ADCY3: variants seen among roughly 807,000 people sequenced by gnomAD.
ADCY3 encodes the protein adenylate cyclase 3.
ADCY3 carries 70 observed loss-of-function variants against 119.4 expected under a neutral mutation model. The observed-to-expected ratio is 0.59, with a 90% CI of 0.48 to 0.72. The LOEUF (loss-of-function observed/expected upper bound fraction) is 0.72. Ranked by LOEUF, ADCY3 falls within the 30% of genes least tolerant of loss-of-function variation. The pLI is 0.00. For synonymous variants in ADCY3, 672 were observed against 621.4 expected (o/e 1.08, Z -1.21); for missense variants, 1,238 against 1,541.6 (o/e 0.80, Z 3.30).
intron 2 of ADCY3, among the ~76,000 whole-genome samples, chr2:24,888,193 CAAGT>C (rs1381794953): frequency 1.3e-5 from 2 of 152,226 alleles, no homozygotes; most frequent in Non-Finnish European, 1.5e-5. Context: ...CAACAGCTCT[CAAGT>C]AAGTTCCCAT....
At position 24,841,188 on chromosome 2, in the gene ADCY3, C is replaced by T. The variant is rs1342673682; in HGVS notation, c.1196+71G>A. On this transcript the variant is annotated intron_variant, in intron 6 of 21. Coordinates refer to ENST00000679454, the MANE Select transcript of ADCY3 (RefSeq NM_004036.5). This position sits in a 1 kb window ranked among gnomAD's most constrained non-coding sequence, Gnocchi z 5.8. ...CAGGGGCCATGGCCAGCGCGGAAGA[C>T]CTGCTTCTCCCTGGGTCCAGGGCCG... is the stretch of plus-strand genomic sequence containing the variant. 1.4e-6 allele frequency: 2 copies of T among 1,473,628 alleles called. No individual in the cohort carries two copies. Among genetic ancestry groups the T allele is most frequent in the Admixed American group, 2.3e-5 (1 of 43,086 alleles). The allele number at this position is 1,473,628 out of a possible 1,614,324, so 91.3% of individuals were successfully genotyped here.
At chr2:24,832,425 A>G (rs2148487807) in intron 11 of ADCY3, among the ~76,000 whole-genome samples, 1 of 152,244 alleles carries the variant, frequency 6.6e-6, no homozygotes, top group South Asian at 2.1e-4. Flanking sequence ...TCTGCCTGTG[A>G]CAGCCACCCC....
In ADCY3 at chr2:24,827,952, G is replaced by A; in HGVS notation, c.2382C>T (p.Ala794=). ...CGTATTCATCAAAGACGGGACGCCA[G>A]GCATAGAGGTTGATGGTGGCCACGG... ...AGAVATINLY[A]WRPVFDEYDH... Residue 794 remains alanine, a synonymous_variant, in exon 14 of 22, where the codon GCC becomes GCT. Coordinates refer to ENST00000679454, the MANE Select transcript of ADCY3 (RefSeq NM_004036.5). 8 of 1,614,266 alleles carry A rather than the reference G, an allele frequency of 5.0e-6. No individual in the cohort carries two copies. Among genetic ancestry groups the A allele is most frequent in the Middle Eastern group, 1.6e-4 (1 of 6,062 alleles).
intron 3 of ADCY3, among the ~76,000 whole-genome samples, chr2:24,860,305 A>C (rs1346899277): frequency 6.6e-6 from 1 of 152,232 alleles, no homozygotes; most frequent in Non-Finnish European, 1.5e-5. Flanking sequence ...AAACAACTCC[A>C]GTTCTGTCCT....
intron 3 of ADCY3, among the ~76,000 whole-genome samples, chr2:24,845,221 TGGAAGTGAC>T (rs1353758717): frequency 1.3e-5 from 2 of 152,116 alleles, no homozygotes; most frequent in African/African-American, 4.8e-5. Context: ...CCCAAAAACG[TGGAAGTGAC>T]TTTGGAACTG....
intron 2 of ADCY3, among the ~76,000 whole-genome samples, chr2:24,911,711 C>CGTGT (rs376992455): frequency 0.027 from 3,900 of 146,116 alleles, 174 homozygotes; most frequent in African/African-American, 0.094. Context: ...TGGTTGTGTA[C>CGTGT]GTGTGTGTGT....
At chr2:24,882,186 C>T (rs1676480285) in intron 2 of ADCY3, among the ~76,000 whole-genome samples, 1 of 152,152 alleles carries the variant, frequency 6.6e-6, no homozygotes, top group African/African-American at 2.4e-5. Context: ...GATCAATGCA[C>T]CCACCCAGAA....
At position 24,864,203 on chromosome 2, in the gene ADCY3, T is replaced by C. The variant is rs773343098; in HGVS notation, c.825+8367A>G. ...TACTCGGGACGCTGAAGCAGGAGAA[T>C]AGCTTGAACCCGGAGGCGGAAGCTG... On this transcript the variant is annotated intron_variant, in intron 3 of 21. Coordinates refer to ENST00000679454, the MANE Select transcript of ADCY3 (RefSeq NM_004036.5). 2.6e-5 allele frequency among the ~76,000 whole-genome samples: 4 copies of C among 152,202 alleles called. No individual in the cohort carries two copies. In the South Asian group the frequency reaches 8.3e-4, roughly 32 times the overall value.
rs551353259 is a variant in ADCY3 at position 24,836,220 on chromosome 2, C to A, written c.1662+697G>T. On this transcript the variant is annotated intron_variant, in intron 9 of 21. Transcript: ENST00000679454. ...CCCCCACTTTCTATCAAGAAAACTG[C>A]AACAAGGAAAAGTTACTGAATGTTG... Among the ~76,000 whole-genome samples, 60 of 152,330 alleles carry A rather than the reference C, an allele frequency of 3.9e-4. 1 individual carries two copies. The highest frequency in any genetic ancestry group is 1.3e-3 in the African/African-American group (56 of 41,562).
At position 24,831,859 on chromosome 2, in the gene ADCY3, CAG is replaced by C. The variant is rs562358328; in HGVS notation, c.1968-112_1968-111del. On this transcript the variant is annotated intron_variant, in intron 11 of 21. Transcript: ENST00000679454. ...GGGGCAGGGGCCAGGGGACAGCGGA[CAG>C]GGGGCAGGGGACAGTGGACAGGGGC... 765 of 265,934 alleles carry C rather than the reference CAG, an allele frequency of 2.9e-3. 15 individuals are homozygous for C. The Admixed American group carries it at 0.032, about 11-fold the overall frequency. 16.5% of individuals were successfully genotyped at this position (265,934 alleles called of 1,614,324 possible).
chr2:24,843,637 T>G (rs1016028591), intron 3 of ADCY3, among the ~76,000 whole-genome samples: 12 of 152,052 alleles, frequency 7.9e-5, no homozygotes, highest in African/African-American at 2.9e-4. Flanking sequence ...TCAGAAGAGG[T>G]CTGTGGCTTG....
At chr2:24,874,994 G>A (rs942166887) in intron 2 of ADCY3, among the ~76,000 whole-genome samples, 5 of 152,150 alleles carry the variant, frequency 3.3e-5, no homozygotes, top group Non-Finnish European at 2.9e-5. Context: ...CAGTTGTTCT[G>A]GTGGGCTGCA....
At position 24,868,900 on chromosome 2, in the gene ADCY3, T is replaced by A. The variant is rs929605597; in HGVS notation, c.825+3670A>T. Among the ~76,000 whole-genome samples the A allele has an allele frequency of 1.9e-4, 28 of 150,606 alleles. 1 individual carries two copies. The highest frequency in any genetic ancestry group is 3.3e-4 in the Admixed American group (5 of 15,114). On this transcript the variant is annotated intron_variant, in intron 3 of 21. Coordinates refer to ENST00000679454, the MANE Select transcript of ADCY3 (RefSeq NM_004036.5). ...TTAGCCGGGCATGGTGGCAGGCACC[T>A]GTAGTCCCAGCTACTCGGGAGGCTG...
Position 24,822,497 on chromosome 2 carries a change from C to G in ADCY3, c.3003+14G>C, listed in dbSNP as rs763538939. The G allele has an allele frequency of 6.2e-7, 1 of 1,612,784 alleles. No individual in the cohort carries two copies. The highest frequency in any genetic ancestry group is 8.5e-7 in the Non-Finnish European group (1 of 1,179,008). ...GGGCAGAGCCTCATCTCTCTGGCTA[C>G]TGGGGTTAGCTACCTTGTTGGAGCT... On this transcript the variant is annotated intron_variant, in intron 19 of 21. Transcript: ENST00000679454.
chr2:24,912,280 T>A (rs1350078741), intron 2 of ADCY3, among the ~76,000 whole-genome samples: 2 of 141,792 alleles, frequency 1.4e-5, no homozygotes, highest in Admixed American at 7.2e-5. Flanking sequence ...CTGGGCAACA[T>A]GGTGAAACTC....
intron 18 of ADCY3, among the ~76,000 whole-genome samples, chr2:24,822,939 G>A (rs1297283806): frequency 1.3e-5 from 2 of 152,192 alleles, no homozygotes; most frequent in Non-Finnish European, 2.9e-5. Flanking sequence ...CTGAATTTGA[G>A]GAGACAGTCC....
intron 9 of ADCY3, among the ~76,000 whole-genome samples, chr2:24,836,245 G>A (rs1278044058): frequency 6.6e-6 from 1 of 152,152 alleles, no homozygotes; most frequent in Non-Finnish European, 1.5e-5. Flanking sequence ...ACTGAATGTT[G>A]GGGGACTCAA....
chr2:24,821,886 C>T (rs1058064), intron 19 of ADCY3: 271,142 of 460,532 alleles, frequency 0.59, 81,831 homozygotes, highest in Admixed American at 0.72. Flanking sequence ...AGTCTGACCA[C>T]GAGGCGGACC....
intron 21 of ADCY3, 105 bp from the exon 22 acceptor site, chr2:24,820,219 C>T: frequency 1.6e-6 from 2 of 1,244,256 alleles, no homozygotes; most frequent in Non-Finnish European, 2.2e-6. Flanking sequence ...CCATGGGTCC[C>T]AAGCAGTACG....
Sources: gnomAD v4.1 joint callset for allele counts (sites outside exome capture counted in the v4.1 genomes callset) on GRCh38, gnomAD v4.1.1 for gene constraint, Gnocchi (gnomAD v3.1) non-coding constraint, MANE v1.5 for transcripts, NCBI Gene and HGNC (gene_info 2026-07-23, HGNC 2026-07-21) for gene names.